UHRF1: variants seen among roughly 807,000 people sequenced by gnomAD.
The protein encoded by UHRF1 is ubiquitin like with PHD and ring finger domains 1, also known as E3 ubiquitin-protein ligase UHRF1.
A neutral mutation model predicts 96.5 loss-of-function variants in UHRF1; 9 were observed. The observed-to-expected ratio is 0.09, with a 90% CI of 0.06 to 0.16. The LOEUF (loss-of-function observed/expected upper bound fraction) is 0.16, where lower values mean the gene tolerates loss of function less well. UHRF1 is among the 10% of genes least tolerant of loss of function. The probability of loss-of-function intolerance (pLI) is 1.00; values close to 1 mark genes in which losing one functional copy is unlikely to be tolerated. For missense variants in UHRF1, 626 were observed against 1,131.1 expected (o/e 0.55, Z 6.40); for synonymous variants, 455 against 469.9 (o/e 0.97, Z 0.41).
Position 4,930,164 on chromosome 19 carries a change from G to A in UHRF1, c.409-552G>A, listed in dbSNP as rs559983113. ...TAATTTTTGTATTTTTTGTAGAGACGGGATTTCGCCATGTTGGCCAGGCTA... is the reference window on the plus strand; with the variant it reads ...TAATTTTTGTATTTTTTGTAGAGACAGGATTTCGCCATGTTGGCCAGGCTA... On this transcript the variant is annotated intron_variant, in intron 3 of 16. Coordinates refer to ENST00000650932, the MANE Select transcript of UHRF1 (RefSeq NM_001048201.3). This position sits in a 1 kb window ranked among gnomAD's most constrained non-coding sequence, Gnocchi z 4.4. Among the ~76,000 whole-genome samples, 2 of 152,030 alleles carry A rather than the reference G, an allele frequency of 1.3e-5. No individual in the cohort carries two copies. The highest frequency in any genetic ancestry group is 2.9e-5 in the Non-Finnish European group (2 of 67,996).
chr19:4,953,303 A>C (rs2033768202), intron 13 of UHRF1, among the ~76,000 whole-genome samples: 2 of 152,166 alleles, frequency 1.3e-5, no homozygotes, highest in Admixed American at 6.5e-5. Flanking sequence ...ACCAGAGAGT[A>C]CCAAACCGTT....
At chr19:4,931,789 T>C (rs4278866) in intron 4 of UHRF1, among the ~76,000 whole-genome samples, 44,178 of 148,086 alleles carry the variant, frequency 0.3, 6,659 homozygotes, top group Middle Eastern at 0.41. Context: ...TTGAGACAGT[T>C]TCACTCTGTC....
intron 2 of UHRF1, among the ~76,000 whole-genome samples, chr19:4,928,177 G>A (rs760510131): frequency 2.6e-5 from 4 of 151,770 alleles, no homozygotes; most frequent in Non-Finnish European, 5.9e-5. Flanking sequence ...TCCTGGCATG[G>A]AGTAGGTGGA....
At chr19:4,926,661 G>A (rs2032880508) in intron 2 of UHRF1, among the ~76,000 whole-genome samples, 1 of 152,058 alleles carries the variant, frequency 6.6e-6, no homozygotes. Flanking sequence ...AGCCACTCAG[G>A]AGCCTGAGGC....
rs17886644 is a variant in UHRF1 at position 4,932,036 on chromosome 19, A to G, written c.570-705A>G. Among the ~76,000 whole-genome samples the G allele has an allele frequency of 6.2e-3, 943 of 151,916 alleles. 11 individuals are homozygous for G. Among genetic ancestry groups the G allele is most frequent in the African/African-American group, 0.021 (883 of 41,438 alleles). ...AACCTCTGCCTCCCGGGTTCAAGCA[A>G]TTCTGCCTCAGCCTCCCGAGTAGCT... On this transcript the variant is annotated intron_variant, in intron 4 of 16. Transcript: ENST00000650932.
intron 2 of UHRF1, among the ~76,000 whole-genome samples, chr19:4,917,503 A>G (rs1489004935): frequency 6.6e-6 from 1 of 151,506 alleles, no homozygotes; most frequent in South Asian, 2.1e-4. Context: ...AAGATACAAA[A>G]ATTAGCTGGG....
intron 5 of UHRF1, among the ~76,000 whole-genome samples, chr19:4,938,520 T>C (rs1018935904): frequency 6.7e-6 from 1 of 149,710 alleles, no homozygotes; most frequent in African/African-American, 2.4e-5. Context: ...AATAAGACAG[T>C]TTTTTTTTGT....
intron 15 of UHRF1, among the ~76,000 whole-genome samples, chr19:4,955,189 C>G (rs1231635850): frequency 6.6e-6 from 1 of 152,150 alleles, no homozygotes; most frequent in Non-Finnish European, 1.5e-5. Flanking sequence ...TGCAAAGCGA[C>G]TCACATCTCA....
chr19:4,958,648 G>A (rs1281874427), intron 16 of UHRF1, among the ~76,000 whole-genome samples: 1 of 152,216 alleles, frequency 6.6e-6, no homozygotes, highest in African/African-American at 2.4e-5. Context: ...TGGGAAACAG[G>A]CTGTGACCTT....
chr19:4,950,266 C>G (rs2145201074), intron 11 of UHRF1, among the ~76,000 whole-genome samples: 1 of 146,654 alleles, frequency 6.8e-6, no homozygotes, highest in East Asian at 2.0e-4. Context: ...TTTTTTGAGA[C>G]AGAACCTCAC....
In UHRF1 at chr19:4,954,330, T is replaced by C; in HGVS notation, c.1819-20T>C. 3 of 1,609,474 alleles carry C rather than the reference T, an allele frequency of 1.9e-6. No individual in the cohort carries two copies. Among genetic ancestry groups the C allele is most frequent in the Non-Finnish European group, 2.5e-6 (3 of 1,178,752 alleles). Reference sequence around the variant, plus strand: ...GTGGGCCCCAAGCCTGACTCACGGCTGTCCCTCTTCCTCCTGAAGTATCCA... The same window carrying C: ...GTGGGCCCCAAGCCTGACTCACGGCCGTCCCTCTTCCTCCTGAAGTATCCA... On this transcript the variant is annotated intron_variant, in intron 13 of 16. Transcript: ENST00000650932. The surrounding 1 kb of genome is among the most constrained non-coding windows in gnomAD (Gnocchi z 5.9).
chr19:4,942,415 C>T (rs1225319220), intron 7 of UHRF1, among the ~76,000 whole-genome samples: 2 of 151,680 alleles, frequency 1.3e-5, no homozygotes, highest in Non-Finnish European at 2.9e-5. Flanking sequence ...TGTTCTTGAT[C>T]CCCTGACCTC....
intron 5 of UHRF1, among the ~76,000 whole-genome samples, chr19:4,936,425 T>C (rs1490226527): frequency 6.6e-6 from 1 of 151,780 alleles, no homozygotes; most frequent in Non-Finnish European, 1.5e-5. Context: ...CACGCGAGGA[T>C]GGGTGGCAGA....
At chr19:4,934,857 G>A (rs780928222) in intron 5 of UHRF1, among the ~76,000 whole-genome samples, 4 of 152,178 alleles carry the variant, frequency 2.6e-5, no homozygotes, top group East Asian at 3.8e-4. Flanking sequence ...CCTTAAGCGC[G>A]TGGCTCGGGT....
intron 2 of UHRF1, 93 bp from the exon 3 acceptor site, chr19:4,929,129 G>A (rs1358199737): frequency 2.6e-6 from 4 of 1,511,494 alleles, no homozygotes; most frequent in Non-Finnish European, 2.7e-6. Context: ...CCCCACAAGG[G>A]CTGGGACACA....
At chr19:4,906,438 C>T (rs1449820014), upstream of UHRF1, among the ~76,000 whole-genome samples, 2 of 152,162 alleles carry the variant, frequency 1.3e-5, no homozygotes, top group Non-Finnish European at 2.9e-5. Flanking sequence ...TTAGGCTGTG[C>T]CCCTCACCAC....
At position 4,960,653 on chromosome 19, in the gene UHRF1, A is replaced by T; in HGVS notation, c.2236-4A>T. The T allele has an allele frequency of 6.2e-7, 1 of 1,612,958 alleles. No homozygotes were observed. The highest frequency in any genetic ancestry group is 8.5e-7 in the Non-Finnish European group (1 of 1,179,506). On this transcript the variant is annotated splice_region_variant and splice_polypyrimidine_tract_variant and intron_variant, in intron 16 of 16. Coordinates refer to ENST00000650932, the MANE Select transcript of UHRF1 (RefSeq NM_001048201.3). ...ACTTCTCACGCGCCTGCTGTGTCTT[A>T]CAGGACTGCCTGGACAGATCCTTTC...
intron 13 of UHRF1, among the ~76,000 whole-genome samples, chr19:4,952,393 CTTTT>C (rs150183272): frequency 1.2e-5 from 1 of 82,524 alleles, no homozygotes; most frequent in African/African-American, 5.1e-5. Context: ...CGCTCCCAGC[CTTTT>C]TTTTTTTTTT....
intron 2 of UHRF1, among the ~76,000 whole-genome samples, chr19:4,926,217 A>T (rs766227629): frequency 2.6e-5 from 4 of 152,132 alleles, no homozygotes; most frequent in Non-Finnish European, 5.9e-5. Context: ...CTGTTGATGG[A>T]CACCTGGGTT....
Sources: gnomAD v4.1 joint callset for allele counts (sites outside exome capture counted in the v4.1 genomes callset) on GRCh38, gnomAD v4.1.1 for gene constraint, Gnocchi (gnomAD v3.1) non-coding constraint, MANE v1.5 for transcripts, NCBI Gene and HGNC (gene_info 2026-07-23, HGNC 2026-07-21) for gene names.